The following TEAD1 variants were observed in gnomAD, a reference collection of about 807,000 sequenced individuals.
The protein encoded by TEAD1 is TEA domain transcription factor 1.
A neutral mutation model predicts 54.9 loss-of-function variants in TEAD1; 9 were observed. The ratio of observed to expected loss-of-function variants is 0.16; its 90% CI spans 0.10 to 0.29. TEAD1 has a LOEUF of 0.29. Ranked by LOEUF, TEAD1 falls within the 10% of genes least tolerant of loss-of-function variation. TEAD1 has a pLI of 1.00. For synonymous variants in TEAD1, 200 were observed against 187.8 expected (o/e 1.07, Z -0.53); for missense variants, 387 against 535.9 (o/e 0.72, Z 2.74).
intron 5 of TEAD1, among the ~76,000 whole-genome samples, chr11:12,874,400 C>T (rs1947814397): frequency 2.0e-5 from 3 of 152,164 alleles, no homozygotes; most frequent in Non-Finnish European, 4.4e-5. Context: ...TTGCTGTCCT[C>T]CTGTCATGTA....
intron 5 of TEAD1, among the ~76,000 whole-genome samples, chr11:12,867,248 G>T (rs1947637092): frequency 6.6e-6 from 1 of 152,104 alleles, no homozygotes; most frequent in Non-Finnish European, 1.5e-5. Flanking sequence ...CAAGCAGAGG[G>T]CTTCACACCA....
At chr11:12,839,954 A>T (rs1400990552) in intron 3 of TEAD1, among the ~76,000 whole-genome samples, 1 of 152,108 alleles carries the variant, frequency 6.6e-6, no homozygotes, top group African/African-American at 2.4e-5. Flanking sequence ...CAGCTTTAAG[A>T]GACCAGAAAC....
intron 3 of TEAD1, among the ~76,000 whole-genome samples, chr11:12,844,875 G>T (rs1480104222): frequency 6.6e-6 from 1 of 151,638 alleles, no homozygotes; most frequent in African/African-American, 2.4e-5. Context: ...ACAGCCCACA[G>T]CTGGTGAGCA....
chr11:12,934,456 G>A (rs1949065452), intron 12 of TEAD1, among the ~76,000 whole-genome samples: 2 of 152,076 alleles, frequency 1.3e-5, no homozygotes, highest in East Asian at 1.9e-4. Context: ...ATGAGTTAAT[G>A]GGTGCAGCAC....
intron 2 of TEAD1, among the ~76,000 whole-genome samples, chr11:12,685,486 C>T (rs1453031210): frequency 6.6e-6 from 1 of 152,112 alleles, no homozygotes; most frequent in East Asian, 1.9e-4. Context: ...GTCATGCTCA[C>T]CATGGTATCC....
chr11:12,686,662 CACTT>C (rs1057336754), intron 2 of TEAD1, among the ~76,000 whole-genome samples: 20 of 152,224 alleles, frequency 1.3e-4, no homozygotes, highest in African/African-American at 4.8e-4. Flanking sequence ...GTTTCAAACT[CACTT>C]ACCTTTGTTC....
At chr11:12,676,019 G>A (rs1392542333) in intron 2 of TEAD1, among the ~76,000 whole-genome samples, 1 of 152,170 alleles carries the variant, frequency 6.6e-6, no homozygotes, top group Non-Finnish European at 1.5e-5. Context: ...TGACCTCAGT[G>A]AGCCCTGGAA....
intron 10 of TEAD1, among the ~76,000 whole-genome samples, chr11:12,916,439 G>A (rs771537589): frequency 6.6e-6 from 1 of 152,176 alleles, no homozygotes; most frequent in East Asian, 1.9e-4. Context: ...GATGTGATTT[G>A]AGGCTCTGTC....
intron 9 of TEAD1, among the ~76,000 whole-genome samples, chr11:12,892,055 A>G (rs1414511486): frequency 6.6e-6 from 1 of 152,216 alleles, no homozygotes; most frequent in African/African-American, 2.4e-5. Flanking sequence ...CCTGTGGTTG[A>G]GCCCGCATGG....
intron 3 of TEAD1, among the ~76,000 whole-genome samples, chr11:12,850,168 A>G (rs1947243623): frequency 6.6e-6 from 1 of 152,160 alleles, no homozygotes; most frequent in Non-Finnish European, 1.5e-5. Flanking sequence ...AGGTGTGGTG[A>G]CACATGCCTA....
intron 2 of TEAD1, among the ~76,000 whole-genome samples, chr11:12,749,667 C>G (rs1434858886): frequency 6.6e-6 from 1 of 152,170 alleles, no homozygotes; most frequent in Non-Finnish European, 1.5e-5. Flanking sequence ...TCTGTCCGTA[C>G]CTCTCTTGGA....
rs1012579349 is a variant in TEAD1 at position 12,675,422 on chromosome 11, G to T, written c.-194G>T. ...CCGCTTCTCCAGGACTGTTGCTGCC[G>T]CTGCCGCCGCCGCTTCATTGCACAT... is the stretch of plus-strand genomic sequence containing the variant. On this transcript the variant is annotated 5_prime_UTR_variant, in exon 2 of 13. Transcript: ENST00000527636. The T allele has an allele frequency of 6.6e-6, 1 of 152,382 alleles. No individual in the cohort carries two copies. The highest frequency in any genetic ancestry group is 1.9e-4 in the East Asian group (1 of 5,162). The allele number at this position is 152,382 out of a possible 1,614,324, so 9.4% of individuals were successfully genotyped here.
At chr11:12,792,267 C>T (rs965574714) in intron 3 of TEAD1, among the ~76,000 whole-genome samples, 2 of 150,458 alleles carry the variant, frequency 1.3e-5, no homozygotes, top group African/African-American at 2.4e-5. Flanking sequence ...CTCTCTAGGC[C>T]ACTGTCATTG....
chr11:12,681,768 C>G (rs1478505315), intron 2 of TEAD1, among the ~76,000 whole-genome samples: 1 of 152,262 alleles, frequency 6.6e-6, no homozygotes, highest in East Asian at 1.9e-4. Flanking sequence ...GCTCCTGTCT[C>G]CCGCTGCCTG....
chr11:12,818,976 A>G (rs1946473284), intron 3 of TEAD1, among the ~76,000 whole-genome samples: 1 of 152,252 alleles, frequency 6.6e-6, no homozygotes, highest in Non-Finnish European at 1.5e-5. Context: ...GCCTCAAATC[A>G]GGACTCATAT....
At chr11:12,819,518 C>T (rs574155891) in intron 3 of TEAD1, among the ~76,000 whole-genome samples, 1 of 152,104 alleles carries the variant, frequency 6.6e-6, no homozygotes, top group African/African-American at 2.4e-5. Context: ...GGCGCGATCT[C>T]GGCTCACTGC....
chr11:12,698,948 A>G (rs934141588), intron 2 of TEAD1, among the ~76,000 whole-genome samples: 1 of 152,150 alleles, frequency 6.6e-6, no homozygotes, highest in African/African-American at 2.4e-5. Context: ...TGTAAGTTGG[A>G]TTTATCAGTA....
At chr11:12,802,756 G>A (rs1321897490) in intron 3 of TEAD1, among the ~76,000 whole-genome samples, 1 of 152,194 alleles carries the variant, frequency 6.6e-6, no homozygotes, top group Non-Finnish European at 1.5e-5. Flanking sequence ...ATTGCGCAAG[G>A]CTGGAAGCAT....
intron 2 of TEAD1, among the ~76,000 whole-genome samples, chr11:12,696,344 G>A (rs545304094): frequency 1.2e-4 from 19 of 152,302 alleles, no homozygotes; most frequent in African/African-American, 4.3e-4. Flanking sequence ...CCTCTTTTGG[G>A]ATTGAGATAG....
Sources: allele counts gnomAD v4.1 joint callset (sites outside exome capture counted in the v4.1 genomes callset), GRCh38; gene constraint gnomAD v4.1.1; transcripts MANE v1.5; gene names NCBI Gene and HGNC (gene_info 2026-07-23, HGNC 2026-07-21).